The following MYO3A variants were observed in gnomAD, a reference collection of about 807,000 sequenced individuals.
The protein encoded by MYO3A is myosin IIIA, also known as myosin-IIIa.
A neutral mutation model predicts 192.7 loss-of-function variants in MYO3A; 180 were observed. The observed-to-expected ratio is 0.93, with a 90% CI of 0.83 to 1.06. The LOEUF (loss-of-function observed/expected upper bound fraction) is 1.06, where lower values mean the gene tolerates loss of function less well. Among genes scored for constraint, MYO3A ranks in the 50% least tolerant of loss-of-function variants. The pLI is 0.00. For missense variants in MYO3A, 1,896 were observed against 1,905.0 expected (o/e 1.00, Z 0.09); for synonymous variants, 628 against 645.3 (o/e 0.97, Z 0.41).
chr10:26,168,068 T>A (rs1841851083), intron 27 of MYO3A, among the ~76,000 whole-genome samples: 1 of 152,226 alleles, frequency 6.6e-6, no homozygotes, highest in Admixed American at 6.5e-5. Context: ...GATTTTAGAA[T>A]AATCAAAAGT....
At chr10:26,111,860 C>T (rs1361036422) in intron 17 of MYO3A, among the ~76,000 whole-genome samples, 1 of 152,196 alleles carries the variant, frequency 6.6e-6, no homozygotes, top group African/African-American at 2.4e-5. Flanking sequence ...ATAAACAAGA[C>T]AGTGCCTGCT....
chr10:25,969,098 G>GCA (rs1838451217), intron 4 of MYO3A, among the ~76,000 whole-genome samples: 2 of 152,110 alleles, frequency 1.3e-5, no homozygotes, highest in South Asian at 2.1e-4. Context: ...AATTAGCCGG[G>GCA]TGAGGTGGCG....
At chr10:25,943,322 A>G (rs1003074750) in intron 2 of MYO3A, among the ~76,000 whole-genome samples, 2 of 152,200 alleles carry the variant, frequency 1.3e-5, no homozygotes, top group African/African-American at 4.8e-5. Flanking sequence ...CAGGAAGTAT[A>G]AAACCTCCAA....
intron 25 of MYO3A, among the ~76,000 whole-genome samples, chr10:26,155,984 A>C (rs1175351638): frequency 1.3e-5 from 2 of 152,196 alleles, no homozygotes; most frequent in Admixed American, 1.3e-4. Flanking sequence ...TGTGTTTTTA[A>C]AGCTATTTTC....
intron 7 of MYO3A, among the ~76,000 whole-genome samples, chr10:26,019,246 TATTTATTTATTTATTTA>T (rs1842155150): frequency 1.9e-4 from 25 of 130,016 alleles, no homozygotes; most frequent in African/African-American, 6.4e-4. Flanking sequence ...TTTATTTATT[TATTTATTTATTTATTTA>T]TTTATTTTTT....
At chr10:26,194,606 A>T (rs1307487656) in intron 32 of MYO3A, among the ~76,000 whole-genome samples, 1 of 152,200 alleles carries the variant, frequency 6.6e-6, no homozygotes, top group East Asian at 1.9e-4. Flanking sequence ...CAGGCAGAAA[A>T]TGAAGCTCAC....
rs954779385 is a variant in MYO3A, at chr10:26,084,006, C to T, written c.1360-4197C>T. Among the ~76,000 whole-genome samples the T allele has an allele frequency of 4.6e-5, 7 of 152,198 alleles. No individual in the cohort carries two copies. In the East Asian group the frequency reaches 5.8e-4, roughly 13 times the overall value. ...CAAGACCAGCAATTTCTAGATAGTT[C>T]GTAAGAATCTGGGACATTCTGTCAA... On this transcript the variant is annotated intron_variant, in intron 14 of 34. Transcript: ENST00000642920.
intron 17 of MYO3A, among the ~76,000 whole-genome samples, chr10:26,115,814 G>A (rs1290493602): frequency 6.6e-6 from 1 of 152,060 alleles, no homozygotes; most frequent in Non-Finnish European, 1.5e-5. Context: ...AAACTTACTA[G>A]TGCATAAGAA....
At position 26,096,405 on chromosome 10, in the gene MYO3A, TTAC is replaced by T. The variant is rs1345057815; in HGVS notation, c.1591_1593del (p.Tyr531del). 6.2e-7 allele frequency: 1 copy of T among 1,612,730 alleles called. No homozygotes were observed. On this transcript the variant is annotated inframe_deletion, in exon 16 of 35. Coordinates refer to ENST00000642920, the MANE Select transcript of MYO3A (RefSeq NM_017433.5). Reference sequence around the variant, plus strand: ...GTGGAGAAAAAAATTTTCATATTTTTTACTACATTTATGCTGGTTTGGCTGAAA... The same window carrying T: ...GTGGAGAAAAAAATTTTCATATTTTTTACATTTATGCTGGTTTGGCTGAAA...
At chr10:26,177,145 G>C (rs1180666118) in intron 31 of MYO3A, among the ~76,000 whole-genome samples, 5 of 152,020 alleles carry the variant, frequency 3.3e-5, no homozygotes, top group African/African-American at 1.2e-4. Context: ...GGGCTGGCAG[G>C]AGGCAGATTT....
chr10:25,985,976 A>C (rs1839628209), intron 4 of MYO3A, among the ~76,000 whole-genome samples: 1 of 152,322 alleles, frequency 6.6e-6, no homozygotes, highest in Middle Eastern at 3.4e-3. Context: ...TAGCAAACTG[A>C]ATCCAACAGC....
intron 20 of MYO3A, among the ~76,000 whole-genome samples, chr10:26,134,434 C>T (rs1237739925): frequency 6.6e-6 from 1 of 151,970 alleles, no homozygotes; most frequent in Non-Finnish European, 1.5e-5. Context: ...AATCTTATTT[C>T]ATAACAAGAG....
intron 4 of MYO3A, among the ~76,000 whole-genome samples, chr10:25,980,928 T>A (rs1218562066): frequency 6.6e-6 from 1 of 152,204 alleles, no homozygotes; most frequent in East Asian, 1.9e-4. Context: ...TGTATGATGA[T>A]CTGTATCAAT....
chr10:26,068,542 T>G (rs1211504412), intron 11 of MYO3A, among the ~76,000 whole-genome samples: 1 of 152,154 alleles, frequency 6.6e-6, no homozygotes, highest in East Asian at 1.9e-4. Context: ...CTTTGGAAAA[T>G]GCAGGTAACA....
chr10:26,014,454 T>A (rs889674577), intron 6 of MYO3A, among the ~76,000 whole-genome samples: 7 of 152,030 alleles, frequency 4.6e-5, no homozygotes, highest in African/African-American at 1.7e-4. Flanking sequence ...TATTTAACTT[T>A]AAAAAAATCC....
At chr10:26,081,019 G>A (rs1372316588) in intron 14 of MYO3A, among the ~76,000 whole-genome samples, 5 of 151,884 alleles carry the variant, frequency 3.3e-5, no homozygotes, top group Non-Finnish European at 7.4e-5. Context: ...CTCTATTTTT[G>A]TGCTGGTTGG....
At chr10:26,139,309 C>G (rs1211697884) in intron 20 of MYO3A, among the ~76,000 whole-genome samples, 1 of 150,524 alleles carries the variant, frequency 6.6e-6, no homozygotes, top group Non-Finnish European at 1.5e-5. Flanking sequence ...GGCATGATCT[C>G]GGCTCACCAC....
intron 34 of MYO3A, among the ~76,000 whole-genome samples, chr10:26,205,141 A>T (rs1843853918): frequency 6.6e-6 from 1 of 152,164 alleles, no homozygotes; most frequent in African/African-American, 2.4e-5. Flanking sequence ...TTTAATTGAC[A>T]AAACGTGTAT....
chr10:25,958,496 C>G (rs1384205168), intron 4 of MYO3A, among the ~76,000 whole-genome samples: 1 of 151,922 alleles, frequency 6.6e-6, no homozygotes, highest in African/African-American at 2.4e-5. Context: ...TACTGTAGCC[C>G]TGTAGTATAG....
Sources: allele counts gnomAD v4.1 joint callset (sites outside exome capture counted in the v4.1 genomes callset), GRCh38; gene constraint gnomAD v4.1.1; transcripts MANE v1.5; gene names NCBI Gene and HGNC (gene_info 2026-07-23, HGNC 2026-07-21).